Variants in HECTD4 observed in about 807,000 individuals in gnomAD.
The protein encoded by HECTD4 is probable E3 ubiquitin-protein ligase HECTD4.
Under a neutral mutation model 471.5 loss-of-function variants are expected in HECTD4, and 114 were observed. That is an observed-to-expected ratio of 0.24 (90% CI 0.21 to 0.28). HECTD4 has a LOEUF of 0.28. Among genes scored for constraint, HECTD4 ranks in the 10% least tolerant of loss-of-function variants. The pLI is 1.00. For synonymous variants in HECTD4, 2,012 were observed against 2,256.0 expected (o/e 0.89, Z 3.07); for missense variants, 3,866 against 5,651.5 (o/e 0.68, Z 10.13).
Position 112,183,095 on chromosome 12 carries a change from C to G in HECTD4, c.10951G>C (p.Gly3651Arg), listed in dbSNP as rs746671114. 1 of 1,613,626 alleles carries G rather than the reference C, an allele frequency of 6.2e-7. No homozygotes were observed. The highest frequency in any genetic ancestry group is 2.2e-5 in the East Asian group (1 of 44,882). ...QSLFDTQGSP[G>R]LEDYFNDKSI... ...TTATCATTGAAATAATCTTCTAACC[C>G]TGGGCTCCCTTGAGTATCAAAGAGA... is the stretch of plus-strand genomic sequence containing the variant. The change falls in exon 62 of 76, where the codon GGG becomes CGG. Residue 3651 changes from glycine to arginine, a missense_variant. Transcript: ENST00000682272.
At position 112,162,249 on chromosome 12, in the gene HECTD4, A is replaced by G; in HGVS notation, c.*138T>C. The G allele has an allele frequency of 1.1e-6, 1 of 907,724 alleles. No homozygotes were observed. The highest frequency in any genetic ancestry group is 1.7e-6 in the Non-Finnish European group (1 of 585,572). The allele number at this position is 907,724 out of a possible 1,614,324, so 56.2% of individuals were successfully genotyped here. A position where few individuals can be genotyped will look rare whatever the true frequency, so the allele number is the denominator to read the frequency against. On this transcript the variant is annotated 3_prime_UTR_variant, in exon 76 of 76. Coordinates refer to ENST00000682272, the MANE Select transcript of HECTD4 (RefSeq NM_001388303.1). This position sits in a 1 kb window ranked among gnomAD's most constrained non-coding sequence, Gnocchi z 5.2. ...GGTTAAGTCTTCCAGGAGGCCCTGG[A>G]ATGTGGACGAAAGTTTGGAAAAGCA...
At chr12:112,238,583 T>C (rs1173447450) in intron 34 of HECTD4, among the ~76,000 whole-genome samples, 1 of 152,042 alleles carries the variant, frequency 6.6e-6, no homozygotes. Flanking sequence ...CAAAAAACCT[T>C]AGCTAGGCAT....
At chr12:112,317,203 T>C (rs2035496824) in intron 2 of HECTD4, among the ~76,000 whole-genome samples, 1 of 152,254 alleles carries the variant, frequency 6.6e-6, no homozygotes. Context: ...ATAAAGCCTT[T>C]ACAAGGAAAC....
At chr12:112,312,208 T>A (rs929988397) in intron 4 of HECTD4, among the ~76,000 whole-genome samples, 2 of 152,248 alleles carry the variant, frequency 1.3e-5, no homozygotes, top group Non-Finnish European at 2.9e-5. Flanking sequence ...AACTTCTTAA[T>A]GGCAACTATT....
chr12:112,184,489 A>C lies in HECTD4; in HGVS notation c.10477T>G (p.Ser3493Ala). The change falls in exon 61 of 76, where the codon TCC becomes GCC. Residue 3493 changes from serine (S) to alanine (A), a missense_variant. Ser to Ala is a moderately conservative substitution (Grantham distance 99, BLOSUM62 1). Transcript: ENST00000682272. This position sits in a 1 kb window ranked among gnomAD's most constrained non-coding sequence, Gnocchi z 9.1. ...ISASASTSQA[S>A]ICSSQGISQT... Reference sequence around the variant, plus strand: ...GAGATGCCCTGCGAGCTGCAGATGGAGGCCTGGCTGGTGGAGGCGGAGGCG... The same window carrying C: ...GAGATGCCCTGCGAGCTGCAGATGGCGGCCTGGCTGGTGGAGGCGGAGGCG... 1 of 1,607,864 alleles carries C rather than the reference A, an allele frequency of 6.2e-7. No homozygotes were observed. Among genetic ancestry groups the C allele is most frequent in the Non-Finnish European group, 8.5e-7 (1 of 1,177,496 alleles).
chr12:112,229,824 A>G lies in HECTD4; in HGVS notation c.6393T>C (p.Ile2131=). Residue 2131 remains isoleucine, a synonymous_variant, in exon 41 of 76, where the codon ATT becomes ATC. Coordinates refer to ENST00000682272, the MANE Select transcript of HECTD4 (RefSeq NM_001388303.1). ...IPQLGKYAES[I]LENGSSSGRK... is the part of the protein sequence containing the mutation. The stretch of plus-strand genomic sequence containing the variant: ...TGCCACTGCTGCTGCCATTTTCCAG[A>G]ATGCTTTCTGCGTATTTCCCCAATT... 1 of 1,614,000 alleles carries G rather than the reference A, an allele frequency of 6.2e-7. No homozygotes were observed. The highest frequency in any genetic ancestry group is 8.5e-7 in the Non-Finnish European group (1 of 1,179,892).
At chr12:112,177,818 T>C (rs1028356057) in intron 64 of HECTD4, among the ~76,000 whole-genome samples, 3 of 152,216 alleles carry the variant, frequency 2.0e-5, no homozygotes, top group Admixed American at 2.0e-4. Flanking sequence ...TGTATAGAAT[T>C]GCTTCTGTAT....
chr12:112,178,268 G>T (rs1277521350), intron 64 of HECTD4, among the ~76,000 whole-genome samples: 1 of 152,132 alleles, frequency 6.6e-6, no homozygotes, highest in Admixed American at 6.5e-5. Context: ...TGTAGAGATG[G>T]TGTTTTGCCA....
In HECTD4 at chr12:112,228,756, T is replaced by G. The variant is rs1451833135; in HGVS notation, c.6575A>C (p.Gln2192Pro). The G allele has an allele frequency of 6.2e-6, 10 of 1,613,748 alleles. No individual in the cohort carries two copies. The highest frequency in any genetic ancestry group is 8.5e-6 in the Non-Finnish European group (10 of 1,179,834). The change falls in exon 42 of 76, where the codon CAG becomes CCG. Residue 2192 changes from glutamine to proline, a missense_variant. Gln to Pro is a moderately conservative substitution (Grantham distance 76, BLOSUM62 -1). This residue lies in a region of HECTD4 where 617 missense variants were observed against 915.1 expected (regional missense o/e 0.67). Transcript: ENST00000682272. The surrounding 1 kb of genome is among the most constrained non-coding windows in gnomAD (Gnocchi z 4.9). ...GAATCTGACTGTAGCTATACCTTCC[T>G]GTTCATTGATAGAAGCCACTACTCC... ...SIGVVASINEQEGIATVRFPP... is the reference protein window; with the variant it reads ...SIGVVASINEPEGIATVRFPP...
chr12:112,210,318 AAGGCGC>A, intron 49 of HECTD4, 66 bp from the exon 50 acceptor site: 1 of 1,523,714 alleles, frequency 6.6e-7, no homozygotes, highest in African/African-American at 1.4e-5. Context: ...GCAAGAGCCC[AAGGCGC>A]AGCTCACTAA....
intron 1 of HECTD4, among the ~76,000 whole-genome samples, chr12:112,367,290 C>G (rs1404038559): frequency 1.6e-5 from 2 of 128,300 alleles, no homozygotes; most frequent in Admixed American, 8.9e-5. Flanking sequence ...CAGAGTAAGA[C>G]TTGGTCTCAA....
At chr12:112,169,816 A>G (rs1229208853) in intron 69 of HECTD4, 158 bp from the exon 70 acceptor site, 1 of 822,110 alleles carries the variant, frequency 1.2e-6, no homozygotes, top group East Asian at 2.7e-5. Context: ...AACACCTTAG[A>G]GCCTTCTGTG....
chr12:112,363,216 T>G lies in HECTD4; in HGVS notation c.177+18736A>C, dbSNP rs539141286. The stretch of plus-strand genomic sequence containing the variant: ...ATTTATATATAACATGTAATATGTA[T>G]TCATGTGTATATAAAATTTATATAT... On this transcript the variant is annotated intron_variant, in intron 1 of 75. Coordinates refer to ENST00000682272, the MANE Select transcript of HECTD4 (RefSeq NM_001388303.1). Among the ~76,000 whole-genome samples, 28 of 152,242 alleles carry G rather than the reference T, an allele frequency of 1.8e-4. No individual in the cohort carries two copies. The South Asian group carries it at 5.8e-3, about 32-fold the overall frequency.
chr12:112,332,327 G>A lies in HECTD4; in HGVS notation c.178-12585C>T, dbSNP rs367579581. On this transcript the variant is annotated intron_variant, in intron 1 of 75. Coordinates refer to ENST00000682272, the MANE Select transcript of HECTD4 (RefSeq NM_001388303.1). ...GCAGGTGGATCACCTAAGGTCGGGA[G>A]TTTGAGACCAGCCTGGCCAACCAAC... Among the ~76,000 whole-genome samples, 34 of 152,146 alleles carry A rather than the reference G, an allele frequency of 2.2e-4. 1 individual carries two copies. In the East Asian group the frequency reaches 6.2e-3, roughly 28 times the overall value.
intron 1 of HECTD4, among the ~76,000 whole-genome samples, chr12:112,324,456 T>G (rs1474180357): frequency 6.6e-6 from 1 of 152,062 alleles, no homozygotes; most frequent in African/African-American, 2.4e-5. Flanking sequence ...ATCAAACAAA[T>G]AATGATTGAT....
intron 6 of HECTD4, among the ~76,000 whole-genome samples, chr12:112,308,446 A>C (rs1049129956): frequency 2.1e-4 from 31 of 149,608 alleles, no homozygotes; most frequent in Middle Eastern, 3.4e-3. Context: ...AAAAAAAAAA[A>C]CAAAAACAAA....
intron 45 of HECTD4, among the ~76,000 whole-genome samples, chr12:112,218,321 C>T (rs1255737816): frequency 1.3e-5 from 2 of 152,114 alleles, no homozygotes; most frequent in African/African-American, 2.4e-5. Context: ...CAACCATTAT[C>T]GTGATCTAAT....
chr12:112,270,179 C>T (rs1198840417), intron 12 of HECTD4, 48 bp downstream of exon 12: 5 of 1,523,544 alleles, frequency 3.3e-6, no homozygotes, highest in South Asian at 2.3e-5. Flanking sequence ...CCAAGGTTTG[C>T]GTTTCCTTTT....
At chr12:112,263,604 C>T (rs1292006602) in intron 17 of HECTD4, among the ~76,000 whole-genome samples, 1 of 151,854 alleles carries the variant, frequency 6.6e-6, no homozygotes, top group African/African-American at 2.4e-5. Context: ...TAGATTATTC[C>T]ATACAAAGAT....
Sources: allele counts gnomAD v4.1 joint callset (sites outside exome capture counted in the v4.1 genomes callset), GRCh38; gene constraint gnomAD v4.1.1; regional missense constraint gnomAD v4.1.1; non-coding constraint Gnocchi (gnomAD v3.1); transcripts MANE v1.5; gene names NCBI Gene and HGNC (gene_info 2026-07-23, HGNC 2026-07-21).